The following PDK1 variants were observed in gnomAD, a reference collection of about 807,000 sequenced individuals.
PDK1 encodes the protein pyruvate dehydrogenase kinase 1.
In PDK1, 39 loss-of-function variants were observed where a neutral mutation model predicts 54.2. The observed-to-expected ratio is 0.72, with a 90% confidence interval of 0.56 to 0.94. The LOEUF (loss-of-function observed/expected upper bound fraction) is 0.94. Among genes scored for constraint, PDK1 ranks in the 40% least tolerant of loss-of-function variants. The probability of loss-of-function intolerance (pLI) is 0.00; values close to 1 mark genes in which losing one functional copy is unlikely to be tolerated. For synonymous variants in PDK1, 221 were observed against 207.1 expected (o/e 1.07, Z -0.58); for missense variants, 552 against 566.0 (o/e 0.98, Z 0.25).
At chr2:172,564,241 T>C (rs147075956) in intron 3 of PDK1, 9,372 of 508,174 alleles carry the variant, frequency 0.018, 162 homozygotes, top group South Asian at 0.048. Flanking sequence ...TTTTTTGGAT[T>C]ACGTTTTGTG....
intron 8 of PDK1, among the ~76,000 whole-genome samples, chr2:172,581,741 A>AT (rs201876133): frequency 0.026 from 4,014 of 151,620 alleles, 86 homozygotes; most frequent in Non-Finnish European, 0.04. Context: ...TTTCTTCCCC[A>AT]TTTTTTTTAG....
At chr2:172,686,944 T>TA in the PDK1 span, among the ~76,000 whole-genome samples, 1 of 152,244 alleles carries the variant, frequency 6.6e-6, no homozygotes, top group Non-Finnish European at 1.5e-5. Flanking sequence ...ATATCATCTT[T>TA]AAAAATCACA....
the PDK1 span, among the ~76,000 whole-genome samples, chr2:172,621,626 A>C: frequency 6.8e-6 from 1 of 146,968 alleles, no homozygotes; most frequent in South Asian, 2.1e-4. Flanking sequence ...ATATGTTTAT[A>C]TATCATATGT....
the PDK1 span, among the ~76,000 whole-genome samples, chr2:172,713,290 AAAAAGTACTGTAAGTTTTC>A: frequency 6.6e-6 from 1 of 152,300 alleles, no homozygotes; most frequent in African/African-American, 2.4e-5. Context: ...GTGGGCTTGG[AAAAAGTACTGTAAGTTTTC>A]ACTCCAGTCC....
chr2:172,651,897 G>C, the PDK1 span, among the ~76,000 whole-genome samples: 3 of 152,338 alleles, frequency 2.0e-5, no homozygotes, highest in Middle Eastern at 3.4e-3. Context: ...GTATGAGGAA[G>C]AGCTGGTACC....
At chr2:172,641,019 TTTTC>T in the PDK1 span, among the ~76,000 whole-genome samples, 1,765 of 25,056 alleles carry the variant, frequency 0.07, 19 homozygotes, top group Non-Finnish European at 0.27. Context: ...TCTTTCTTTC[TTTTC>T]TTTTTCTTTC....
the PDK1 span, among the ~76,000 whole-genome samples, chr2:172,675,199 G>T: frequency 6.6e-6 from 1 of 152,112 alleles, no homozygotes; most frequent in Admixed American, 6.5e-5. Flanking sequence ...CCCTGAGACA[G>T]AACAATATTG....
chr2:172,637,320 A>C, the PDK1 span, among the ~76,000 whole-genome samples: 1 of 152,264 alleles, frequency 6.6e-6, no homozygotes, highest in South Asian at 2.1e-4. Flanking sequence ...AACATTTCAC[A>C]TGCTCCCCGC....
chr2:172,648,860 G>T, the PDK1 span, among the ~76,000 whole-genome samples: 5 of 152,210 alleles, frequency 3.3e-5, no homozygotes, highest in African/African-American at 9.6e-5. Context: ...GAAGCCCACC[G>T]CAGCTTAAGG....
the PDK1 span, among the ~76,000 whole-genome samples, chr2:172,670,106 G>A: frequency 6.6e-6 from 1 of 152,070 alleles, no homozygotes; most frequent in Non-Finnish European, 1.5e-5. Flanking sequence ...AGGCTACAGT[G>A]CAGTGGCACA....
chr2:172,621,889 CAT>C, the PDK1 span, among the ~76,000 whole-genome samples: 12 of 140,970 alleles, frequency 8.5e-5, no homozygotes, highest in Middle Eastern at 4.9e-3. Flanking sequence ...GTTTATATCT[CAT>C]ATGTATGATA....
At chr2:172,683,834 G>C in the PDK1 span, among the ~76,000 whole-genome samples, 4 of 152,186 alleles carry the variant, frequency 2.6e-5, no homozygotes, top group African/African-American at 9.6e-5. Flanking sequence ...AAAACCAAGC[G>C]AGTGGTGTGC....
chr2:172,571,515 C>A (rs1216893061), intron 8 of PDK1, among the ~76,000 whole-genome samples: 2 of 152,148 alleles, frequency 1.3e-5, no homozygotes. Context: ...AGGCTGCAGG[C>A]ATGCAAGCCT....
the PDK1 span, among the ~76,000 whole-genome samples, chr2:172,681,264 A>T: frequency 6.6e-6 from 1 of 152,242 alleles, no homozygotes; most frequent in Non-Finnish European, 1.5e-5. Context: ...GTATTATTAC[A>T]TAATGCCGCC....
the PDK1 span, among the ~76,000 whole-genome samples, chr2:172,716,395 C>T: frequency 2.0e-5 from 3 of 151,834 alleles, no homozygotes; most frequent in Non-Finnish European, 4.4e-5. Context: ...AGTGCAGTGG[C>T]GTAATCTTGA....
the PDK1 span, among the ~76,000 whole-genome samples, chr2:172,642,192 G>GA: frequency 6.6e-6 from 1 of 151,678 alleles, no homozygotes; most frequent in Non-Finnish European, 1.5e-5. Flanking sequence ...TTGATTGTAG[G>GA]AAAAAAAGGA....
chr2:172,694,502 G>A, the PDK1 span, among the ~76,000 whole-genome samples: 5 of 152,200 alleles, frequency 3.3e-5, no homozygotes, highest in South Asian at 1.0e-3. Context: ...GACTCTCCCT[G>A]TCTGTGTGGG....
In PDK1 at chr2:172,592,973, C is replaced by T. The variant is rs138447627; in HGVS notation, c.1095C>T (p.Tyr365=). ...ATGGATTGCCCATATCACGTCTTTACGCACAATACTTCCAAGGAGACCTGA... is the reference window on the plus strand; with the variant it reads ...ATGGATTGCCCATATCACGTCTTTATGCACAATACTTCCAAGGAGACCTGA... The part of the protein sequence containing the change: ...FGYGLPISRL[Y]AQYFQGDLKL... The change falls in exon 10 of 11, where the codon TAC becomes TAT. Residue 365 remains tyrosine, a synonymous_variant. Coordinates refer to ENST00000282077, the MANE Select transcript of PDK1 (RefSeq NM_002610.5). 149 of 1,612,026 alleles carry T rather than the reference C, an allele frequency of 9.2e-5. No individual in the cohort carries two copies. The highest frequency in any genetic ancestry group is 3.3e-4 in the Middle Eastern group (2 of 6,078).
At chr2:172,717,647 C>A in the PDK1 span, among the ~76,000 whole-genome samples, 2 of 152,082 alleles carry the variant, frequency 1.3e-5, no homozygotes, top group Non-Finnish European at 2.9e-5. Context: ...TGGGTTCAAG[C>A]GATTCTCCTG....
Sources: allele counts gnomAD v4.1 joint callset (sites outside exome capture counted in the v4.1 genomes callset), GRCh38; gene constraint gnomAD v4.1.1; transcripts MANE v1.5; gene names NCBI Gene and HGNC (gene_info 2026-07-23, HGNC 2026-07-21).